The following RABGAP1L variants were observed in gnomAD, a reference collection of about 807,000 sequenced individuals.
RABGAP1L encodes rab GTPase-activating protein 1-like.
RABGAP1L carries 63 observed loss-of-function variants against 137.7 expected under a neutral mutation model. The observed-to-expected ratio is 0.46, with a 90% CI of 0.37 to 0.56. The LOEUF is 0.56. RABGAP1L is among the 20% of genes least tolerant of loss of function. The pLI is 0.00. For synonymous variants in RABGAP1L, 431 were observed against 433.7 expected, an observed-to-expected ratio of 0.99 and a Z score of 0.08; for missense variants, 1,095 against 1,244.0, an observed-to-expected ratio of 0.88 and a Z score of 1.80.
intron 17 of RABGAP1L, among the ~76,000 whole-genome samples, chr1:174,720,555 A>G (rs1355090602): frequency 6.6e-6 from 1 of 152,004 alleles, no homozygotes; most frequent in African/African-American, 2.4e-5. Context: ...AGCTCAAGTA[A>G]TCCGCCCACC....
At chr1:174,635,947 T>A (rs1220596451) in intron 13 of RABGAP1L, among the ~76,000 whole-genome samples, 1 of 152,198 alleles carries the variant, frequency 6.6e-6, no homozygotes, top group Non-Finnish European at 1.5e-5. Flanking sequence ...TTTTCTTTCT[T>A]GATTTGAGAC....
At position 174,621,489 on chromosome 1, in the gene RABGAP1L, C is replaced by G. The variant is rs1047249812; in HGVS notation, c.1711-15886C>G. Among the ~76,000 whole-genome samples, 10 of 152,312 alleles carry G rather than the reference C, an allele frequency of 6.6e-5. No homozygotes were observed. The East Asian group carries it at 9.6e-4, about 15-fold the overall frequency. On this transcript the variant is annotated intron_variant, in intron 13 of 25. Coordinates refer to ENST00000681986, the MANE Select transcript of RABGAP1L (RefSeq NM_001366446.1). ...CTACAGTAACCAAAACAGCATGGTA[C>G]TGGTAGCAAAACAGAGATATAGACC...
At chr1:174,615,016 G>A (rs1202416998) in intron 13 of RABGAP1L, among the ~76,000 whole-genome samples, 1 of 152,134 alleles carries the variant, frequency 6.6e-6, no homozygotes, top group Non-Finnish European at 1.5e-5. Context: ...CTTTGCCTTT[G>A]GTTTGAATTT....
intron 18 of RABGAP1L, among the ~76,000 whole-genome samples, chr1:174,794,222 C>T (rs1688071378): frequency 6.6e-6 from 1 of 152,158 alleles, no homozygotes; most frequent in Non-Finnish European, 1.5e-5. Context: ...GGATCCTTTG[C>T]TACTTATTGA....
At chr1:174,347,628 G>A (rs1352501707) in intron 11 of RABGAP1L, among the ~76,000 whole-genome samples, 1 of 151,928 alleles carries the variant, frequency 6.6e-6, no homozygotes, top group Non-Finnish European at 1.5e-5. Context: ...GAGTAGCTGG[G>A]ACTACAGGCA....
chr1:174,434,098 C>T (rs774685762), intron 13 of RABGAP1L, among the ~76,000 whole-genome samples: 6 of 142,946 alleles, frequency 4.2e-5, no homozygotes, highest in Admixed American at 7.1e-5. Context: ...TGAGCGCATG[C>T]GTGTACACAT....
At chr1:174,346,640 A>G (rs1011194686) in intron 11 of RABGAP1L, among the ~76,000 whole-genome samples, 2 of 150,088 alleles carry the variant, frequency 1.3e-5, no homozygotes, top group East Asian at 3.9e-4. Flanking sequence ...TTTTTTTCTT[A>G]GTCTGTATAA....
At chr1:174,234,208 T>A (rs1487494048) in intron 4 of RABGAP1L, among the ~76,000 whole-genome samples, 1 of 97,072 alleles carries the variant, frequency 1.0e-5, no homozygotes, top group African/African-American at 6.5e-5. Context: ...TTCTTCCATT[T>A]TGTAGGTTGC....
chr1:174,944,040 G>A (rs988208304), intron 19 of RABGAP1L, among the ~76,000 whole-genome samples: 19 of 152,036 alleles, frequency 1.2e-4, no homozygotes, highest in Admixed American at 8.5e-4. Flanking sequence ...GAAGGCTTAG[G>A]TGGGCGGATC....
intron 13 of RABGAP1L, among the ~76,000 whole-genome samples, chr1:174,467,988 G>A (rs907675463): frequency 2.0e-5 from 3 of 152,026 alleles, no homozygotes; most frequent in East Asian, 3.8e-4. Context: ...TTATAAAATC[G>A]TGAAATCTTA....
At chr1:174,920,501 G>A (rs760818473) in intron 19 of RABGAP1L, among the ~76,000 whole-genome samples, 3 of 152,228 alleles carry the variant, frequency 2.0e-5, no homozygotes, top group Non-Finnish European at 4.4e-5. Flanking sequence ...TACAACTGAA[G>A]ATGAGACTTG....
intron 21 of RABGAP1L, among the ~76,000 whole-genome samples, chr1:174,975,416 G>T (rs1450324626): frequency 2.0e-5 from 3 of 152,186 alleles, no homozygotes; most frequent in Non-Finnish European, 4.4e-5. Context: ...CATCATTCTA[G>T]AAATATGATC....
intron 11 of RABGAP1L, among the ~76,000 whole-genome samples, chr1:174,327,990 T>TATATATATATATAC (rs1680649525): frequency 2.7e-5 from 1 of 36,370 alleles, no homozygotes; most frequent in African/African-American, 1.0e-4. Context: ...CACACACATA[T>TATATATATATATAC]ATATATATAT....
chr1:174,396,117 C>T (rs1647815069), intron 13 of RABGAP1L, among the ~76,000 whole-genome samples: 1 of 151,924 alleles, frequency 6.6e-6, no homozygotes, highest in Non-Finnish European at 1.5e-5. Flanking sequence ...TTAGAATAGG[C>T]AAACCTATAG....
At chr1:174,736,935 C>T (rs536720450) in intron 17 of RABGAP1L, among the ~76,000 whole-genome samples, 25 of 152,302 alleles carry the variant, frequency 1.6e-4, no homozygotes, top group African/African-American at 5.8e-4. Context: ...GCCCCTGAAG[C>T]CATTCTTTCT....
In RABGAP1L at chr1:174,816,734, C is replaced by CTTT. The variant is rs59080997; in HGVS notation, c.2340+4788_2340+4790dup. On this transcript the variant is annotated intron_variant, in intron 19 of 25. Transcript: ENST00000681986. ...ATTCTCCAAAGGCTAAGAAACAAGT[C>CTTT]TTTTTTTTTTTTTTTTGAGATGGAG... is the stretch of plus-strand genomic sequence containing the variant. Among the ~76,000 whole-genome samples the CTTT allele has an allele frequency of 1.4e-4, 19 of 138,290 alleles. 2 individuals carry two copies. Among genetic ancestry groups the CTTT allele is most frequent in the Non-Finnish European group, 2.3e-4 (15 of 65,058 alleles). The allele number at this position is 138,290 out of a possible 152,430, so 90.7% of individuals were successfully genotyped here.
At chr1:174,797,639 G>T (rs192562705) in intron 18 of RABGAP1L, among the ~76,000 whole-genome samples, 6 of 134,862 alleles carry the variant, frequency 4.4e-5, no homozygotes, top group South Asian at 2.5e-4. Context: ...GTGTGTGGGG[G>T]GGTGTGTGGG....
intron 14 of RABGAP1L, among the ~76,000 whole-genome samples, chr1:174,649,117 T>C (rs1675238592): frequency 6.6e-6 from 1 of 152,156 alleles, no homozygotes; most frequent in African/African-American, 2.4e-5. Context: ...ATGGGTCTTC[T>C]GAATATAGTA....
intron 11 of RABGAP1L, among the ~76,000 whole-genome samples, chr1:174,349,953 T>TG (rs1193819970): frequency 1.5e-4 from 9 of 58,796 alleles, no homozygotes; most frequent in Non-Finnish European, 2.0e-4. Flanking sequence ...GCTGGCCGGG[T>TG]GGGGGGGCTG....
Sources: allele counts gnomAD v4.1 joint callset (sites outside exome capture counted in the v4.1 genomes callset), GRCh38; gene constraint gnomAD v4.1.1; transcripts MANE v1.5; gene names NCBI Gene and HGNC (gene_info 2026-07-23, HGNC 2026-07-21).